The following GUCY1A2 variants were observed in gnomAD, a reference collection of about 807,000 sequenced individuals.
GUCY1A2 encodes guanylate cyclase 1 soluble subunit alpha 2.
In GUCY1A2, 27 loss-of-function variants were observed where a neutral mutation model predicts 63.5. That is an observed-to-expected ratio of 0.43 (90% CI 0.31 to 0.59). The LOEUF is 0.59. Ranked by LOEUF, GUCY1A2 falls within the 20% of genes least tolerant of loss-of-function variation. GUCY1A2 has a pLI of 0.11. For synonymous variants in GUCY1A2, 364 were observed against 343.5 expected, an observed-to-expected ratio of 1.06 and a Z score of -0.66; for missense variants, 768 against 913.3, an observed-to-expected ratio of 0.84 and a Z score of 2.05.
chr11:106,964,796 G>A (rs1223071740), intron 3 of GUCY1A2, among the ~76,000 whole-genome samples: 5 of 152,150 alleles, frequency 3.3e-5, no homozygotes, highest in East Asian at 1.9e-4. Context: ...TGGCTAACGC[G>A]GTGAAACCCC....
chr11:107,018,002 G>A lies in GUCY1A2; in HGVS notation c.54C>T (p.Tyr18=). 6.8e-7 allele frequency: 1 copy of A among 1,467,686 alleles called. No individual in the cohort carries two copies. The highest frequency in any genetic ancestry group is 9.1e-7 in the Non-Finnish European group (1 of 1,098,286). 90.9% of individuals were successfully genotyped at this position (1,467,686 alleles called of 1,614,324 possible). Residue 18 remains tyrosine (Y), a synonymous_variant, in exon 1 of 8, where the codon TAC becomes TAT. Coordinates refer to ENST00000526355, the MANE Select transcript of GUCY1A2 (RefSeq NM_000855.3). ...SESFSSLGSD[Y]LETSPEEEGE... is the part of the protein sequence containing the mutation. The stretch of plus-strand genomic sequence containing the variant: ...CCTCCTCCTCCGGGCTGGTCTCCAG[G>A]TAGTCGGAGCCCAGGGAGCTGAAGG...
rs191704101 is a variant in GUCY1A2, at chr11:106,745,143, T to A, written c.1836+31296A>T. On this transcript the variant is annotated intron_variant, in intron 6 of 7. Coordinates refer to ENST00000526355, the MANE Select transcript of GUCY1A2 (RefSeq NM_000855.3). ...TTGAACGATTTGCCATGGTTTATCC[T>A]CTGAAATATTCACAATAAGTGCAAC... 1.3e-3 allele frequency among the ~76,000 whole-genome samples: 205 copies of A among 152,330 alleles called. 1 individual carries two copies. Among genetic ancestry groups the A allele is most frequent in the Middle Eastern group, 0.01 (3 of 294 alleles).
chr11:106,983,874 C>A (rs917863733), intron 2 of GUCY1A2, among the ~76,000 whole-genome samples: 44 of 152,292 alleles, frequency 2.9e-4, no homozygotes, highest in African/African-American at 9.9e-4. Flanking sequence ...CTGTAAGAAA[C>A]ACATTCTTTT....
intron 1 of GUCY1A2, among the ~76,000 whole-genome samples, chr11:107,017,051 A>C (rs1408854149): frequency 6.6e-6 from 1 of 152,208 alleles, no homozygotes; most frequent in Non-Finnish European, 1.5e-5. Context: ...TAATTTAAAA[A>C]AAAAGAAATC....
At chr11:106,903,562 C>T (rs1053732070) in intron 4 of GUCY1A2, among the ~76,000 whole-genome samples, 7 of 152,098 alleles carry the variant, frequency 4.6e-5, no homozygotes, top group South Asian at 2.1e-4. Context: ...ACCATTCAAA[C>T]GAAAGCTGGG....
chr11:106,780,830 A>T (rs1864446276), intron 5 of GUCY1A2, among the ~76,000 whole-genome samples: 1 of 152,174 alleles, frequency 6.6e-6, no homozygotes, highest in African/African-American at 2.4e-5. Context: ...TTCCAGATAT[A>T]TTCGGCACCT....
At chr11:106,891,312 G>A (rs11211963) in intron 4 of GUCY1A2, among the ~76,000 whole-genome samples, 23,574 of 151,840 alleles carry the variant, frequency 0.16, 2,144 homozygotes, top group South Asian at 0.28. Context: ...TCTTTTTATT[G>A]ATTTATAGTA....
chr11:106,998,255 T>C (rs1235743278), intron 1 of GUCY1A2, among the ~76,000 whole-genome samples: 1 of 152,010 alleles, frequency 6.6e-6, no homozygotes, highest in Non-Finnish European at 1.5e-5. Context: ...CATTACCTAA[T>C]GGAAAATTAG....
chr11:106,946,741 T>C (rs1201829597), intron 3 of GUCY1A2, among the ~76,000 whole-genome samples: 1 of 151,932 alleles, frequency 6.6e-6, no homozygotes, highest in Non-Finnish European at 1.5e-5. Context: ...TACTAATGAG[T>C]ATGGGGTTTC....
chr11:106,767,974 A>G (rs747314401), intron 6 of GUCY1A2, among the ~76,000 whole-genome samples: 23 of 152,206 alleles, frequency 1.5e-4, no homozygotes, highest in African/African-American at 4.8e-4. Context: ...ACGTTTAAAT[A>G]TGTAGCTTCT....
chr11:106,964,924 G>A (rs1861108292), intron 3 of GUCY1A2, among the ~76,000 whole-genome samples: 2 of 152,262 alleles, frequency 1.3e-5, no homozygotes, highest in African/African-American at 4.8e-5. Context: ...AGCTTGCAGT[G>A]AGCCGAGATT....
chr11:106,926,186 A>G (rs116973742), intron 4 of GUCY1A2, among the ~76,000 whole-genome samples: 1,974 of 152,284 alleles, frequency 0.013, 26 homozygotes, highest in South Asian at 0.048. Flanking sequence ...TTGAGAGGCC[A>G]AGGTGGGCGA....
intron 4 of GUCY1A2, among the ~76,000 whole-genome samples, chr11:106,828,691 G>A (rs568228625): frequency 3.9e-5 from 6 of 152,232 alleles, no homozygotes; most frequent in African/African-American, 1.2e-4. Flanking sequence ...AGGCAAACTC[G>A]CAAGAAGGCA....
At position 106,684,903 on chromosome 11, in the gene GUCY1A2, TAAGAG is replaced by T. The variant is rs570732851; in HGVS notation, c.*2641_*2645del. The T allele has an allele frequency of 2.9e-5, 6 of 206,170 alleles. No homozygotes were observed. Among genetic ancestry groups the T allele is most frequent in the Admixed American group, 5.9e-5 (1 of 16,818 alleles). The allele number at this position is 206,170 out of a possible 1,614,324, so 12.8% of individuals were successfully genotyped here. ...ACCACATTGTTACAATCACAATTCC[TAAGAG>T]AAGAGATGTAGATGGCATTGTGTAG... On this transcript the variant is annotated 3_prime_UTR_variant, in exon 8 of 8. Coordinates refer to ENST00000526355, the MANE Select transcript of GUCY1A2 (RefSeq NM_000855.3).
chr11:106,770,311 G>C (rs1864234212), intron 6 of GUCY1A2, among the ~76,000 whole-genome samples: 1 of 152,032 alleles, frequency 6.6e-6, no homozygotes, highest in Non-Finnish European at 1.5e-5. Flanking sequence ...GTATTATTTA[G>C]AGAATGACAA....
intron 4 of GUCY1A2, among the ~76,000 whole-genome samples, chr11:106,853,246 T>C (rs1471010709): frequency 2.0e-5 from 3 of 152,018 alleles, no homozygotes; most frequent in Non-Finnish European, 4.4e-5. Flanking sequence ...TTTGCCCATC[T>C]CTTCTCCTTC....
chr11:106,812,313 T>C (rs1406607380), intron 4 of GUCY1A2, among the ~76,000 whole-genome samples: 1 of 151,844 alleles, frequency 6.6e-6, no homozygotes, highest in Admixed American at 6.6e-5. Flanking sequence ...TCTCTTCACA[T>C]TTCTTTCCAA....
At chr11:107,000,084 T>C (rs888631550) in intron 1 of GUCY1A2, among the ~76,000 whole-genome samples, 1 of 152,196 alleles carries the variant, frequency 6.6e-6, no homozygotes, top group Non-Finnish European at 1.5e-5. Context: ...GAGAATCCCA[T>C]CCATTCTCCT....
At chr11:106,982,479 C>T (rs1250788781) in intron 2 of GUCY1A2, among the ~76,000 whole-genome samples, 2 of 152,076 alleles carry the variant, frequency 1.3e-5, no homozygotes, top group Non-Finnish European at 2.9e-5. Context: ...GGAGGAAAGA[C>T]AGTGCTATGG....
Sources: gnomAD v4.1 joint callset for allele counts (sites outside exome capture counted in the v4.1 genomes callset) on GRCh38, gnomAD v4.1.1 for gene constraint, MANE v1.5 for transcripts, NCBI Gene and HGNC (gene_info 2026-07-23, HGNC 2026-07-21) for gene names.